Variants in PPARGC1A observed in about 807,000 individuals in gnomAD.
PPARGC1A encodes the protein peroxisome proliferator-activated receptor gamma coactivator 1-alpha.
PPARGC1A carries 25 observed loss-of-function variants against 88.7 expected under a neutral mutation model. That is an observed-to-expected ratio of 0.28 (90% CI 0.21 to 0.39). PPARGC1A has a LOEUF of 0.39. Ranked by LOEUF, PPARGC1A falls within the 10% of genes least tolerant of loss-of-function variation. The pLI, the probability that PPARGC1A is intolerant of heterozygous loss-of-function variation, is 1.00. For missense variants in PPARGC1A, 880 were observed against 968.7 expected (o/e 0.91, Z 1.22); for synonymous variants, 363 against 355.6 (o/e 1.02, Z -0.24).
the PPARGC1A span, among the ~76,000 whole-genome samples, chr4:24,068,208 G>A: frequency 8.4e-5 from 2 of 23,752 alleles, no homozygotes; most frequent in Non-Finnish European, 2.4e-4. Context: ...TCAATGCCAC[G>A]GAAGGAATGA....
chr4:23,863,314 G>A (rs1056641600), intron 2 of PPARGC1A, among the ~76,000 whole-genome samples: 7 of 152,090 alleles, frequency 4.6e-5, no homozygotes, highest in Non-Finnish European at 1.0e-4. Context: ...ACTTTTAAGA[G>A]TCCCTGGTGT....
chr4:24,395,225 G>A, the PPARGC1A span, among the ~76,000 whole-genome samples: 7 of 152,238 alleles, frequency 4.6e-5, no homozygotes, highest in East Asian at 1.9e-4. Context: ...GCATTTCCCC[G>A]CCTAGATTAA....
chr4:23,973,413 T>A, the PPARGC1A span, among the ~76,000 whole-genome samples: 1 of 152,244 alleles, frequency 6.6e-6, no homozygotes, highest in Non-Finnish European at 1.5e-5. Context: ...GGCAGTCTTA[T>A]CAGCATTGGA....
the PPARGC1A span, among the ~76,000 whole-genome samples, chr4:24,079,995 C>T: frequency 2.0e-5 from 3 of 151,968 alleles, no homozygotes; most frequent in South Asian, 2.1e-4. Context: ...TGCTTTACTG[C>T]TCTTCTTTTT....
At chr4:24,339,208 GTGTGTA>G in the PPARGC1A span, among the ~76,000 whole-genome samples, 5 of 38,224 alleles carry the variant, frequency 1.3e-4, no homozygotes, top group East Asian at 9.5e-4. Context: ...GTGTGTGTGT[GTGTGTA>G]TATATATATA....
the PPARGC1A span, among the ~76,000 whole-genome samples, chr4:23,977,570 G>A: frequency 6.6e-6 from 1 of 152,108 alleles, no homozygotes; most frequent in South Asian, 2.1e-4. Flanking sequence ...AATAACTAAT[G>A]TATGTGGGGC....
At chr4:23,997,122 A>G in the PPARGC1A span, among the ~76,000 whole-genome samples, 3 of 152,166 alleles carry the variant, frequency 2.0e-5, no homozygotes, top group African/African-American at 7.2e-5. Flanking sequence ...AGACGCCATG[A>G]AACAATAGTT....
chr4:24,244,505 G>A, the PPARGC1A span, among the ~76,000 whole-genome samples: 1 of 152,194 alleles, frequency 6.6e-6, no homozygotes, highest in Non-Finnish European at 1.5e-5. Context: ...CAGACAATAA[G>A]TGTTGGAACC....
the PPARGC1A span, among the ~76,000 whole-genome samples, chr4:24,426,510 G>T: frequency 6.6e-6 from 1 of 152,102 alleles, no homozygotes; most frequent in Admixed American, 6.5e-5. Flanking sequence ...AAACTCTGGG[G>T]GTGTCAGCAG....
upstream of PPARGC1A, among the ~76,000 whole-genome samples, chr4:23,901,921 T>C (rs1719438495): frequency 2.0e-5 from 3 of 152,160 alleles, no homozygotes; most frequent in Admixed American, 2.0e-4. Flanking sequence ...TGTAGTGAAA[T>C]GCTGGCAAGT....
chr4:24,468,815 C>T, the PPARGC1A span, among the ~76,000 whole-genome samples: 2 of 152,056 alleles, frequency 1.3e-5, no homozygotes, highest in Non-Finnish European at 2.9e-5. Flanking sequence ...GCGTCATAAT[C>T]ATGTTTCTTG....
chr4:24,130,589 C>T, the PPARGC1A span, among the ~76,000 whole-genome samples: 1 of 152,124 alleles, frequency 6.6e-6, no homozygotes, highest in East Asian at 1.9e-4. Context: ...ATGCTACTTA[C>T]AAGAAGGCCC....
At chr4:23,824,018 G>A (rs1246273637) in intron 7 of PPARGC1A, among the ~76,000 whole-genome samples, 1 of 152,020 alleles carries the variant, frequency 6.6e-6, no homozygotes, top group African/African-American at 2.4e-5. Flanking sequence ...AGCACTTAGT[G>A]CAAGGGCACC....
At chr4:24,306,492 C>T in the PPARGC1A span, among the ~76,000 whole-genome samples, 2 of 152,138 alleles carry the variant, frequency 1.3e-5, no homozygotes, top group Non-Finnish European at 2.9e-5. Context: ...TACTCCAAGA[C>T]CTTGGACAGC....
At chr4:23,902,357 C>T (rs1006047980), upstream of PPARGC1A, among the ~76,000 whole-genome samples, 1 of 152,102 alleles carries the variant, frequency 6.6e-6, no homozygotes, top group Non-Finnish European at 1.5e-5. Flanking sequence ...AGCAGAGCCC[C>T]AGCAATGCAC....
At chr4:24,056,735 T>C in the PPARGC1A span, among the ~76,000 whole-genome samples, 1 of 152,172 alleles carries the variant, frequency 6.6e-6, no homozygotes, top group African/African-American at 2.4e-5. Flanking sequence ...GTGAGGCATA[T>C]AGCGTACTTA....
intron 10 of PPARGC1A, among the ~76,000 whole-genome samples, chr4:23,811,519 G>A (rs1720891244): frequency 6.6e-6 from 1 of 152,192 alleles, no homozygotes. Flanking sequence ...CTCTGAGGGG[G>A]CTCAATGGGA....
chr4:24,457,494 G>A, the PPARGC1A span, among the ~76,000 whole-genome samples: 2 of 151,934 alleles, frequency 1.3e-5, no homozygotes. Flanking sequence ...CTCTTCTCTT[G>A]GAATTATCTC....
chr4:24,149,825 A>C, the PPARGC1A span, among the ~76,000 whole-genome samples: 1 of 152,196 alleles, frequency 6.6e-6, no homozygotes. Context: ...AGAAATTAAG[A>C]GGGTTCTTCC....
Sources: allele counts gnomAD v4.1 joint callset (sites outside exome capture counted in the v4.1 genomes callset), GRCh38; gene constraint gnomAD v4.1.1; transcripts MANE v1.5; gene names NCBI Gene and HGNC (gene_info 2026-07-23, HGNC 2026-07-21).